Variants in RAB4A observed in about 807,000 individuals in gnomAD.
The protein encoded by RAB4A is ras-related protein Rab-4A.
RAB4A carries 20 observed loss-of-function variants against 34.5 expected under a neutral mutation model. The observed-to-expected ratio is 0.58, with a 90% CI of 0.41 to 0.84. The LOEUF (loss-of-function observed/expected upper bound fraction) is 0.84. Ranked by LOEUF, RAB4A falls within the 40% of genes least tolerant of loss-of-function variation. The probability of loss-of-function intolerance (pLI) is 0.00; values close to 1 mark genes in which losing one functional copy is unlikely to be tolerated. For synonymous variants in RAB4A, 102 were observed against 100.0 expected, an observed-to-expected ratio of 1.02 and a Z score of -0.12; for missense variants, 228 against 274.5, an observed-to-expected ratio of 0.83 and a Z score of 1.20.
At chr1:229,284,779 A>T (rs1656879855) in intron 1 of RAB4A, among the ~76,000 whole-genome samples, 1 of 152,072 alleles carries the variant, frequency 6.6e-6, no homozygotes, top group African/African-American at 2.4e-5. Flanking sequence ...TAAAATTCTC[A>T]GCCATTATTT....
intron 1 of RAB4A, among the ~76,000 whole-genome samples, chr1:229,271,918 C>G (rs576611211): frequency 6.6e-6 from 1 of 152,166 alleles, no homozygotes. Context: ...CTCCCTCCCT[C>G]TCAGTGTTTT....
intron 5 of RAB4A, among the ~76,000 whole-genome samples, chr1:229,298,102 A>G (rs1571835388): frequency 6.6e-6 from 1 of 152,240 alleles, no homozygotes; most frequent in South Asian, 2.1e-4. Flanking sequence ...GAATTTCCAT[A>G]TAGAATACAT....
chr1:229,275,915 C>G, intron 1 of RAB4A, among the ~76,000 whole-genome samples: 1 of 151,100 alleles, frequency 6.6e-6, no homozygotes, highest in East Asian at 1.9e-4. Context: ...CGTGAGCCAC[C>G]GTGCCCGTGT....
chr1:229,280,383 C>T lies in RAB4A; in HGVS notation c.32-6103C>T, dbSNP rs143413581. ...CATTATCTCCTTATAGTTTTATCTG[C>T]GTTATCTAAATACATGTATCACCAC... On this transcript the variant is annotated intron_variant, in intron 1 of 7. Transcript: ENST00000366690. Among the ~76,000 whole-genome samples, 14 of 152,254 alleles carry T rather than the reference C, an allele frequency of 9.2e-5. No individual in the cohort carries two copies. The South Asian group carries it at 1.7e-3, about 18-fold the overall frequency.
At chr1:229,302,288 TATATATATA>T (rs1558242329) in intron 6 of RAB4A, among the ~76,000 whole-genome samples, 278 of 24,112 alleles carry the variant, frequency 0.012, 14 homozygotes, top group African/African-American at 0.044. Context: ...TATATATATA[TATATATATA>T]TATATATATA....
At chr1:229,300,160 G>A (rs1657343419) in intron 6 of RAB4A, among the ~76,000 whole-genome samples, 2 of 152,178 alleles carry the variant, frequency 1.3e-5, no homozygotes, top group South Asian at 4.1e-4. Flanking sequence ...AACTAATTGG[G>A]CTGAAGTATG....
intron 6 of RAB4A, among the ~76,000 whole-genome samples, chr1:229,299,989 A>G (rs904113259): frequency 6.6e-6 from 1 of 152,192 alleles, no homozygotes; most frequent in Non-Finnish European, 1.5e-5. Flanking sequence ...GGAAGAGGGA[A>G]TAGCAGGAGA....
At chr1:229,275,632 T>TTTTTTTTTTA (rs1470290646) in intron 1 of RAB4A, among the ~76,000 whole-genome samples, 1 of 147,344 alleles carries the variant, frequency 6.8e-6, no homozygotes. Context: ...TTTTTTTTTT[T>TTTTTTTTTTA]TTCTTTGAGA....
chr1:229,295,798 C>T, intron 3 of RAB4A, 50 bp from the exon 4 acceptor site: 1 of 1,581,612 alleles, frequency 6.3e-7, no homozygotes, highest in Middle Eastern at 1.7e-4. Context: ...AAGTGGGATA[C>T]AGTAAAGGGT....
At chr1:229,279,329 T>A (rs558552435) in intron 1 of RAB4A, among the ~76,000 whole-genome samples, 73 of 152,352 alleles carry the variant, frequency 4.8e-4, no homozygotes, top group Non-Finnish European at 9.0e-4. Flanking sequence ...CTTAATTTTC[T>A]TGAACACTCA....
At chr1:229,286,691 G>T in intron 2 of RAB4A, 125 bp downstream of exon 2, 3 of 592,320 alleles carry the variant, frequency 5.1e-6, no homozygotes, top group South Asian at 2.4e-5. Context: ...TATTTTGAAG[G>T]GTTATGTTAT....
chr1:229,300,671 T>C (rs1398867129), intron 6 of RAB4A, among the ~76,000 whole-genome samples: 1 of 151,864 alleles, frequency 6.6e-6, no homozygotes, highest in African/African-American at 2.4e-5. Context: ...ATGGCTCTGT[T>C]GCAAATGTGC....
chr1:229,294,401 C>T (rs538959052), intron 3 of RAB4A, among the ~76,000 whole-genome samples: 41 of 152,326 alleles, frequency 2.7e-4, no homozygotes, highest in African/African-American at 9.1e-4. Context: ...AGAGGCTGCG[C>T]GAGTGAGTGA....
chr1:229,283,671 C>A (rs1447202701), intron 1 of RAB4A, among the ~76,000 whole-genome samples: 1 of 151,946 alleles, frequency 6.6e-6, no homozygotes, highest in Non-Finnish European at 1.5e-5. Context: ...GCCCTGAAAT[C>A]CCGGGTACAC....
intron 1 of RAB4A, among the ~76,000 whole-genome samples, chr1:229,274,164 C>T (rs541330466): frequency 1.3e-5 from 2 of 151,106 alleles, no homozygotes; most frequent in South Asian, 4.2e-4. Flanking sequence ...GTGATCCTCC[C>T]ACTTCAGCCT....
chr1:229,293,060 G>C (rs1363618502), intron 3 of RAB4A, among the ~76,000 whole-genome samples: 1 of 152,168 alleles, frequency 6.6e-6, no homozygotes, highest in Non-Finnish European at 1.5e-5. Context: ...GAATTTGTTA[G>C]AATGATTCAC....
chr1:229,302,913 C>G lies in RAB4A; in HGVS notation c.593C>G (p.Ala198Gly). 6.2e-7 allele frequency: 1 copy of G among 1,613,862 alleles called. No individual in the cohort carries two copies. The highest frequency in any genetic ancestry group is 8.5e-7 in the Non-Finnish European group (1 of 1,179,912). The change falls in exon 7 of 8, where the codon GCC becomes GGC. Residue 198 changes from alanine (A) to glycine (G), a missense_variant. Transcript: ENST00000366690. ...MGSGIQYGDAALRQLRSPRRA... is the reference protein window; with the variant it reads ...MGSGIQYGDAGLRQLRSPRRA... ...TCAGGTATTCAGTACGGAGATGCTG[C>G]CTTGAGACAGCTGAGGTCACCGCGG...
At chr1:229,287,512 A>G (rs961655506) in intron 2 of RAB4A, among the ~76,000 whole-genome samples, 1 of 152,182 alleles carries the variant, frequency 6.6e-6, no homozygotes, top group Non-Finnish European at 1.5e-5. Context: ...CTTAGAAAAG[A>G]ATACCCAGAG....
intron 3 of RAB4A, among the ~76,000 whole-genome samples, chr1:229,295,410 G>A (rs1438121017): frequency 6.6e-6 from 1 of 152,164 alleles, no homozygotes; most frequent in Non-Finnish European, 1.5e-5. Flanking sequence ...TGGTGACTAT[G>A]GATTCCTGTG....
Sources: allele counts gnomAD v4.1 joint callset (sites outside exome capture counted in the v4.1 genomes callset), GRCh38; gene constraint gnomAD v4.1.1; transcripts MANE v1.5; gene names NCBI Gene and HGNC (gene_info 2026-07-23, HGNC 2026-07-21).